The following C16orf78 variants were observed in gnomAD, a reference collection of about 807,000 sequenced individuals.
C16orf78 encodes the protein uncharacterized protein C16orf78.
Under a neutral mutation model 27.3 loss-of-function variants are expected in C16orf78, and 19 were observed. The ratio of observed to expected loss-of-function variants is 0.70; its 90% CI spans 0.49 to 1.02. The LOEUF (loss-of-function observed/expected upper bound fraction) is 1.02. Among genes scored for constraint, C16orf78 ranks in the 50% least tolerant of loss-of-function variants. C16orf78 has a pLI of 0.00. For synonymous variants in C16orf78, 130 were observed against 116.1 expected, an observed-to-expected ratio of 1.12 and a Z score of -0.77; for missense variants, 339 against 337.0, an observed-to-expected ratio of 1.01 and a Z score of -0.05.
At chr16:49,378,247 C>T (rs996883287) in intron 2 of C16orf78, among the ~76,000 whole-genome samples, 5 of 152,146 alleles carry the variant, frequency 3.3e-5, no homozygotes, top group Non-Finnish European at 5.9e-5. Context: ...CCCCAGGGAC[C>T]CCTCCGATAT....
chr16:49,393,090 A>T (rs1279173673), intron 3 of C16orf78, among the ~76,000 whole-genome samples: 1 of 152,160 alleles, frequency 6.6e-6, no homozygotes, highest in Non-Finnish European at 1.5e-5. Context: ...GAGTCAATTA[A>T]ACCTCTTTCC....
In C16orf78 at chr16:49,373,879, G is replaced by A; in HGVS notation, c.-61G>A. On this transcript the variant is annotated 5_prime_UTR_variant, in exon 1 of 5. Coordinates refer to ENST00000299191, the MANE Select transcript of C16orf78 (RefSeq NM_144602.4). The stretch of plus-strand genomic sequence containing the variant: ...ACCAGGCCATCAAGTCCAGACAAAG[G>A]GATCGAAAGAGTGAGACAGTGCCAG... The A allele has an allele frequency of 1.9e-6, 3 of 1,593,046 alleles. No homozygotes were observed. Among genetic ancestry groups the A allele is most frequent in the Non-Finnish European group, 1.7e-6 (2 of 1,166,808 alleles).
chr16:49,386,565 A>T (rs767461772), intron 3 of C16orf78, among the ~76,000 whole-genome samples: 1 of 152,066 alleles, frequency 6.6e-6, no homozygotes, highest in Non-Finnish European at 1.5e-5. Context: ...CCTAGTACCC[A>T]TTAGTCATTT....
Position 49,396,488 on chromosome 16 carries a change from A to G in C16orf78, c.460A>G (p.Ser154Gly). ...TQRPNPFRRQ[S>G]IVLDPMLQEG... Reference sequence around the variant, plus strand: ...GCGGCCAAACCCATTCCGTCGACAAAGCATTGTCTTAGATCCCATGTTACA... The same window carrying G: ...GCGGCCAAACCCATTCCGTCGACAAGGCATTGTCTTAGATCCCATGTTACA... The change falls in exon 4 of 5, where the codon AGC (serine) becomes GGC (glycine). Residue 154 changes from serine to glycine, a missense_variant. Transcript: ENST00000299191. 6.2e-7 allele frequency: 1 copy of G among 1,614,174 alleles called. No individual in the cohort carries two copies. The highest frequency in any genetic ancestry group is 8.5e-7 in the Non-Finnish European group (1 of 1,180,020).
chr16:49,378,728 GA>G (rs1451541819), intron 3 of C16orf78, 135 bp downstream of exon 3: 25 of 1,360,700 alleles, frequency 1.8e-5, no homozygotes, highest in Non-Finnish European at 1.2e-5. Flanking sequence ...ACAGGAGTCA[GA>G]AGCCCACATG....
intron 3 of C16orf78, among the ~76,000 whole-genome samples, chr16:49,384,296 C>T (rs1485475926): frequency 2.1e-5 from 3 of 144,252 alleles, no homozygotes; most frequent in Admixed American, 7.3e-5. Flanking sequence ...TGCAGTGAGC[C>T]GAGATAGTGC....
intron 3 of C16orf78, among the ~76,000 whole-genome samples, chr16:49,386,658 C>T (rs1428364677): frequency 1.3e-5 from 2 of 152,078 alleles, no homozygotes; most frequent in East Asian, 3.9e-4. Flanking sequence ...GCCATGTGTT[C>T]TCATCATTTG....
At position 49,376,933 on chromosome 16, in the gene C16orf78, T is replaced by C. The variant is rs370751212; in HGVS notation, c.151-798T>C. On this transcript the variant is annotated intron_variant, in intron 1 of 4. Transcript: ENST00000299191. ...CGTCTCCCTGTAACCATAAGCAGCA[T>C]ATTCCCAGAGGAGATCCAGTCTATT... Among the ~76,000 whole-genome samples, 106 of 152,226 alleles carry C rather than the reference T, an allele frequency of 7.0e-4. 2 individuals are homozygous for C. The highest frequency in any genetic ancestry group is 2.4e-3 in the African/African-American group (101 of 41,548).
chr16:49,383,335 A>C (rs152651), intron 3 of C16orf78, among the ~76,000 whole-genome samples: 61,217 of 152,108 alleles, frequency 0.4, 14,799 homozygotes, highest in African/African-American at 0.68. Flanking sequence ...ACAAAGCAGC[A>C]CCTATGAAGG....
At position 49,396,691 on chromosome 16, in the gene C16orf78, A is replaced by G. The variant is rs762032705; in HGVS notation, c.650+13A>G. On this transcript the variant is annotated intron_variant, in intron 4 of 4. Transcript: ENST00000299191. ...TGCTGAGCTGCCGGTGAGAGCTGCC[A>G]CCCCCTGGGCAGATGGGGTGGGGTC... The G allele has an allele frequency of 1.9e-6, 3 of 1,602,448 alleles. No homozygotes were observed. Among genetic ancestry groups the G allele is most frequent in the Non-Finnish European group, 2.5e-6 (3 of 1,179,328 alleles).
chr16:49,396,586 C>T lies in C16orf78; in HGVS notation c.558C>T (p.Tyr186=), dbSNP rs747196284. The change falls in exon 4 of 5, where the codon TAC becomes TAT. Residue 186 remains tyrosine (Y), a synonymous_variant. Coordinates refer to ENST00000299191, the MANE Select transcript of C16orf78 (RefSeq NM_144602.4). ...CCAACAAGATGCCTGACATGGCTTA[C>T]GAACGCAAGCTAAAGAGCCTCATGG... is the stretch of plus-strand genomic sequence containing the variant. The part of the protein sequence containing the change: ...DWSNKMPDMA[Y]ERKLKSLMEK... 3.2e-5 allele frequency: 51 copies of T among 1,614,030 alleles called. No homozygotes were observed. The East Asian group carries it at 5.3e-4, about 17-fold the overall frequency.
chr16:49,375,602 C>T (rs1965206569), intron 1 of C16orf78, among the ~76,000 whole-genome samples: 1 of 152,168 alleles, frequency 6.6e-6, no homozygotes, highest in Admixed American at 6.5e-5. Flanking sequence ...TAATCACCTC[C>T]CACCAGGCCC....
intron 1 of C16orf78, among the ~76,000 whole-genome samples, chr16:49,374,831 A>T (rs1965194392): frequency 6.6e-6 from 1 of 152,198 alleles, no homozygotes; most frequent in African/African-American, 2.4e-5. Context: ...AGTTTTTCCC[A>T]GAGCTCCCCC....
At chr16:49,375,173 C>G (rs1282489321) in intron 1 of C16orf78, among the ~76,000 whole-genome samples, 1 of 152,180 alleles carries the variant, frequency 6.6e-6, no homozygotes, top group African/African-American at 2.4e-5. Context: ...AGGGCTCAAA[C>G]TGAGGTTTTC....
chr16:49,392,673 C>G (rs1189125257), intron 3 of C16orf78, among the ~76,000 whole-genome samples: 1 of 152,064 alleles, frequency 6.6e-6, no homozygotes, highest in African/African-American at 2.4e-5. Flanking sequence ...GCTAAACATA[C>G]AGTTATAGTG....
intron 3 of C16orf78, among the ~76,000 whole-genome samples, chr16:49,385,415 A>G (rs1047038673): frequency 5.9e-5 from 9 of 152,288 alleles, no homozygotes; most frequent in Non-Finnish European, 7.4e-5. Flanking sequence ...GCTCATGCCT[A>G]TAATCCCAAC....
intron 1 of C16orf78, among the ~76,000 whole-genome samples, chr16:49,375,556 A>G (rs1965205892): frequency 6.6e-6 from 1 of 152,178 alleles, no homozygotes; most frequent in African/African-American, 2.4e-5. Flanking sequence ...TACCAAGGGG[A>G]ATCGTGTTAA....
chr16:49,396,382 T>C (rs750233258), intron 3 of C16orf78, 41 bp from the exon 4 acceptor site: 3 of 1,605,190 alleles, frequency 1.9e-6, no homozygotes, highest in African/African-American at 2.7e-5. Context: ...CTCTCACGTC[T>C]CCCACGGTCT....
chr16:49,387,164 T>C (rs577091706), intron 3 of C16orf78, among the ~76,000 whole-genome samples: 26 of 152,208 alleles, frequency 1.7e-4, no homozygotes, highest in Non-Finnish European at 2.6e-4. Flanking sequence ...TGGTATCTCA[T>C]TGTGGTTTTG....
Sources: allele counts gnomAD v4.1 joint callset (sites outside exome capture counted in the v4.1 genomes callset), GRCh38; gene constraint gnomAD v4.1.1; transcripts MANE v1.5; gene names NCBI Gene and HGNC (gene_info 2026-07-23, HGNC 2026-07-21).